CAPN15: variants seen among roughly 807,000 people sequenced by gnomAD.
CAPN15 encodes calpain 15.
In CAPN15, 53 loss-of-function variants were observed where a neutral mutation model predicts 97.9. That is an observed-to-expected ratio of 0.54 (90% CI 0.43 to 0.68). The LOEUF is 0.68. CAPN15 is among the 30% of genes least tolerant of loss of function. The pLI is 0.00. For missense variants in CAPN15, 1,592 were observed against 1,589.8 expected, an observed-to-expected ratio of 1.00 and a Z score of -0.02; for synonymous variants, 922 against 722.5, an observed-to-expected ratio of 1.28 and a Z score of -4.43.
intron 3 of CAPN15, among the ~76,000 whole-genome samples, chr16:546,278 G>C (rs544043394): frequency 7.9e-5 from 12 of 152,374 alleles, no homozygotes; most frequent in African/African-American, 2.9e-4. Flanking sequence ...TGGAGCACAA[G>C]ATTCAGGCCA....
chr16:534,235 G>GC (rs374380680), intron 2 of CAPN15, among the ~76,000 whole-genome samples: 37 of 151,376 alleles, frequency 2.4e-4, no homozygotes, highest in African/African-American at 5.8e-4. Flanking sequence ...TCCCGACAGG[G>GC]GTGTTTGTCC....
rs572473704 is a variant in CAPN15, at chr16:554,189, G to A, written c.*673G>A. ...GTTCTCAGCACCGCTCACTGCTGCC[G>A]GGCACACTGGGACCAGCAGGCTCCT... On this transcript the variant is annotated 3_prime_UTR_variant, in exon 14 of 14. Coordinates refer to ENST00000219611, the MANE Select transcript of CAPN15 (RefSeq NM_005632.3). The A allele has an allele frequency of 7.5e-5, 22 of 294,294 alleles. No individual in the cohort carries two copies. The highest frequency in any genetic ancestry group is 3.3e-4 in the African/African-American group (15 of 46,060). 18.2% of individuals were successfully genotyped at this position (294,294 alleles called of 1,614,324 possible). A position where few individuals can be genotyped will look rare whatever the true frequency, so the allele number is the denominator to read the frequency against.
intron 3 of CAPN15, among the ~76,000 whole-genome samples, chr16:545,336 C>T (rs2034509826): frequency 6.6e-6 from 1 of 152,064 alleles, no homozygotes; most frequent in Non-Finnish European, 1.5e-5. Context: ...CCGAGGTCTC[C>T]CACCGCTGAC....
chr16:534,487 C>T (rs557185868), intron 2 of CAPN15, among the ~76,000 whole-genome samples: 95 of 152,296 alleles, frequency 6.2e-4, no homozygotes, highest in Non-Finnish European at 1.1e-3. Context: ...GGGCCCTGGC[C>T]TTGTTTCTTG....
intron 3 of CAPN15, among the ~76,000 whole-genome samples, chr16:536,424 C>T (rs1258995552): frequency 1.9e-5 from 2 of 104,374 alleles, no homozygotes; most frequent in African/African-American, 5.6e-5. Context: ...GGCTGGGAGC[C>T]TATTTTTTTT....
Position 547,435 on chromosome 16 carries a change from G to A in CAPN15, c.597G>A (p.Ala199=), listed in dbSNP as rs377457205. 852 of 1,583,568 alleles carry A rather than the reference G, an allele frequency of 5.4e-4. 1 individual carries two copies. Among genetic ancestry groups the A allele is most frequent in the Middle Eastern group, 2.5e-3 (15 of 5,952 alleles). ...CCGGCTTCCACGTCGTGCCTGCCGC[G>A]CCTCCACCTGGCCTCCCCGGGGAAG... The part of the protein sequence containing the change: ...APAGFHVVPA[A]PPPGLPGEGA... Residue 199 remains alanine (A), a synonymous_variant, in exon 4 of 14, where the codon GCG becomes GCA. Coordinates refer to ENST00000219611, the MANE Select transcript of CAPN15 (RefSeq NM_005632.3).
In CAPN15 at chr16:535,860, G is replaced by A. The variant is rs2033667971; in HGVS notation, c.-136-169G>A. Among the ~76,000 whole-genome samples, 1 of 152,160 alleles carries A rather than the reference G, an allele frequency of 6.6e-6. No individual in the cohort carries two copies. The highest frequency in any genetic ancestry group is 1.5e-5 in the Non-Finnish European group (1 of 68,012). ...ACGGGAGCAGCACAGATGCTTGGCC[G>A]GCGGCAGGCCCTACAGGAGCAGCAG... On this transcript the variant is annotated intron_variant, in intron 2 of 13. Coordinates refer to ENST00000219611, the MANE Select transcript of CAPN15 (RefSeq NM_005632.3). This position sits in a 1 kb window ranked among gnomAD's most constrained non-coding sequence, Gnocchi z 6.2.
At chr16:534,656 G>A (rs746682352) in intron 2 of CAPN15, among the ~76,000 whole-genome samples, 20 of 152,336 alleles carry the variant, frequency 1.3e-4, no homozygotes, top group African/African-American at 2.4e-4. Flanking sequence ...GCTTCGTCCC[G>A]GTAGTGGCTG....
intron 3 of CAPN15, among the ~76,000 whole-genome samples, chr16:540,958 C>G (rs1238758581): frequency 6.6e-6 from 1 of 152,238 alleles, no homozygotes; most frequent in Non-Finnish European, 1.5e-5. Context: ...CGTCCTGGCC[C>G]TCACTGGAGG....
chr16:553,689 C>T lies in CAPN15; in HGVS notation c.*173C>T, dbSNP rs2035271009. ...GCCCCCCGCCCCCCTCCTTCCCCTC[C>T]CTGAACCCCACAGTCCGCCTGGCCA... is the stretch of plus-strand genomic sequence containing the variant. On this transcript the variant is annotated 3_prime_UTR_variant, in exon 14 of 14. Coordinates refer to ENST00000219611, the MANE Select transcript of CAPN15 (RefSeq NM_005632.3). 3.8e-6 allele frequency: 2 copies of T among 529,194 alleles called. No homozygotes were observed. Among genetic ancestry groups the T allele is most frequent in the Admixed American group, 3.4e-5 (1 of 29,080 alleles). The allele number at this position is 529,194 out of a possible 1,614,324, so 32.8% of individuals were successfully genotyped here.
chr16:552,169 G>A lies in CAPN15; in HGVS notation c.2464G>A (p.Glu822Lys). Reference protein sequence around the residue: ...PVGVTALTVLERASLEFALFQ... With the variant: ...PVGVTALTVLKRASLEFALFQ... ...GGGGGTAACAGCGCTCACGGTGCTG[G>A]AGCGGGCCTCGCTGGAGTTCGCGCT... Residue 822 changes from glutamate (E) to lysine (K), a missense_variant, in exon 10 of 14, where the codon GAG becomes AAG. Coordinates refer to ENST00000219611, the MANE Select transcript of CAPN15 (RefSeq NM_005632.3). The surrounding 1 kb of genome is among the most constrained non-coding windows in gnomAD (Gnocchi z 6.4). 4 of 1,542,736 alleles carry A rather than the reference G, an allele frequency of 2.6e-6. No individual in the cohort carries two copies. Among genetic ancestry groups the A allele is most frequent in the South Asian group, 1.2e-5 (1 of 83,470 alleles).
intron 4 of CAPN15, among the ~76,000 whole-genome samples, chr16:548,674 C>T (rs1218266623): frequency 1.3e-5 from 2 of 152,254 alleles, no homozygotes; most frequent in African/African-American, 4.8e-5. Context: ...GCATCACCCA[C>T]GGGTCAACTG....
intron 3 of CAPN15, among the ~76,000 whole-genome samples, 153 bp downstream of exon 3, chr16:536,295 C>T (rs1441167261): frequency 6.6e-6 from 1 of 152,234 alleles, no homozygotes; most frequent in African/African-American, 2.4e-5. Flanking sequence ...GGCGCTGTCC[C>T]TGGGGGTGGC....
intron 7 of CAPN15, 134 bp from the exon 8 acceptor site, chr16:551,168 G>A: frequency 7.1e-7 from 1 of 1,400,010 alleles, no homozygotes; most frequent in South Asian, 1.4e-5. Context: ...CCGTCGGTGA[G>A]GGTCCCGGTC....
At chr16:548,347 C>A in intron 4 of CAPN15, 60 bp downstream of exon 4, 1 of 1,408,332 alleles carries the variant, frequency 7.1e-7, no homozygotes, top group Non-Finnish European at 9.3e-7. Flanking sequence ...CCTCCCCTTC[C>A]TAGGCTTTGG....
chr16:552,399 T>C lies in CAPN15; in HGVS notation c.2606T>C (p.Leu869Pro). 6.2e-7 allele frequency: 1 copy of C among 1,607,810 alleles called. No individual in the cohort carries two copies. Among genetic ancestry groups the C allele is most frequent in the Non-Finnish European group, 8.5e-7 (1 of 1,179,154 alleles). The part of the protein sequence containing the change: ...SGGHLSLGRL[L>P]AHSKRAVKKF... ...GGCCACCTCAGCCTGGGCCGCCTCC[T>C]GGCCCACAGTAAGCGCGCGGTCAAG... is the stretch of plus-strand genomic sequence containing the variant. Residue 869 changes from leucine (L) to proline (P), a missense_variant, in exon 11 of 14, where the codon CTG becomes CCG. Transcript: ENST00000219611. This position sits in a 1 kb window ranked among gnomAD's most constrained non-coding sequence, Gnocchi z 6.4.
At chr16:540,060 C>G (rs2034006430) in intron 3 of CAPN15, 4 of 983,902 alleles carry the variant, frequency 4.1e-6, no homozygotes, top group Non-Finnish European at 4.8e-6. Context: ...CTCTCTCTGT[C>G]TGTTTATTTT....
intron 1 of CAPN15, among the ~76,000 whole-genome samples, chr16:533,038 T>C (rs1596318862): frequency 6.6e-6 from 1 of 151,232 alleles, no homozygotes; most frequent in South Asian, 2.1e-4. Flanking sequence ...CTGACCAACA[T>C]GGTGAAACCT....
At chr16:528,906 T>A (rs1396969711) in intron 1 of CAPN15, among the ~76,000 whole-genome samples, 3 of 152,228 alleles carry the variant, frequency 2.0e-5, no homozygotes, top group African/African-American at 7.2e-5. Context: ...CAGTTCAGTG[T>A]GGGAGTGCCC....
Sources: gnomAD v4.1 joint callset for allele counts (sites outside exome capture counted in the v4.1 genomes callset) on GRCh38, gnomAD v4.1.1 for gene constraint, Gnocchi (gnomAD v3.1) non-coding constraint, MANE v1.5 for transcripts, NCBI Gene and HGNC (gene_info 2026-07-23, HGNC 2026-07-21) for gene names.